The following FAT4 variants were observed in gnomAD, a reference collection of about 807,000 sequenced individuals.
FAT4 encodes the protein protocadherin Fat 4.
Under a neutral mutation model 303.9 loss-of-function variants are expected in FAT4, and 84 were observed. The ratio of observed to expected loss-of-function variants is 0.28; its 90% CI spans 0.23 to 0.33. FAT4 has a LOEUF of 0.33. FAT4 is among the 10% of genes least tolerant of loss of function. FAT4 has a pLI of 1.00. For synonymous variants in FAT4, 2,307 were observed against 2,298.8 expected (o/e 1.00, Z -0.10); for missense variants, 6,005 against 6,146.8 (o/e 0.98, Z 0.77).
rs1443689816 is a variant in FAT4, at chr4:125,320,291, C to T, written c.3880C>T (p.Pro1294Ser). The T allele has an allele frequency of 1.2e-5, 20 of 1,613,842 alleles. No individual in the cohort carries two copies. The Middle Eastern group carries it at 5.0e-4, about 40-fold the overall frequency. Residue 1294 changes from proline to serine, a missense_variant, in exon 2 of 18, where the codon CCC (proline) becomes TCC (serine). Pro to Ser is a moderately conservative substitution (Grantham distance 74). Transcript: ENST00000394329. ...VIQAVDSGTI[P>S]LNSTCTLNID... ...TCAAGCAGTGGATTCAGGGACAATCCCCCTCAATTCAACGTGTACTTTAAA... is the reference window on the plus strand; with the variant it reads ...TCAAGCAGTGGATTCAGGGACAATCTCCCTCAATTCAACGTGTACTTTAAA...
chr4:125,442,909 C>T (rs1250465376), intron 8 of FAT4, among the ~76,000 whole-genome samples: 1 of 150,300 alleles, frequency 6.7e-6, no homozygotes, highest in Non-Finnish European at 1.5e-5. Flanking sequence ...ATGCCAAGTG[C>T]TCTTTATACA....
At chr4:125,478,323 G>A (rs1317084271) in intron 14 of FAT4, among the ~76,000 whole-genome samples, 2 of 152,160 alleles carry the variant, frequency 1.3e-5, no homozygotes, top group African/African-American at 4.8e-5. Flanking sequence ...AAAGGATTGG[G>A]ATTGCCACCA....
In FAT4 at chr4:125,415,234, A is replaced by G. The variant is rs1009472588; in HGVS notation, c.6271A>G (p.Asn2091Asp). Residue 2091 changes from asparagine (N) to aspartate (D), a missense_variant, in exon 6 of 18, where the codon AAC (asparagine) becomes GAC (aspartate). Physicochemically the swap from Asn to Asp is conservative, Grantham distance 23. Transcript: ENST00000394329. ...CAGCTATATTGAGTACACTCTGCTG[A>G]ACCCTTTGGGAAACAAGTTCAGTAT... Reference protein sequence around the residue: ...PNSYIEYTLLNPLGNKFSIGT... With the variant: ...PNSYIEYTLLDPLGNKFSIGT... The G allele has an allele frequency of 6.2e-7, 1 of 1,614,118 alleles. No homozygotes were observed. Among genetic ancestry groups the G allele is most frequent in the Non-Finnish European group, 8.5e-7 (1 of 1,179,988 alleles).
At chr4:125,352,344 A>G (rs1732258142) in intron 2 of FAT4, among the ~76,000 whole-genome samples, 1 of 151,558 alleles carries the variant, frequency 6.6e-6, no homozygotes, top group South Asian at 2.1e-4. Flanking sequence ...CCTCTTCACC[A>G]TTTCAATCAG....
chr4:125,476,291 C>T, intron 13 of FAT4, 35 bp downstream of exon 13: 1 of 1,273,332 alleles, frequency 7.9e-7, no homozygotes. Context: ...TTTATTATTA[C>T]TTAAAATTTT....
chr4:125,390,782 C>G (rs1733948091), intron 2 of FAT4, among the ~76,000 whole-genome samples: 1 of 152,076 alleles, frequency 6.6e-6, no homozygotes, highest in African/African-American at 2.4e-5. Flanking sequence ...ATGTGTAGGA[C>G]CTTTTATTCC....
At chr4:125,323,827 C>A (rs577293894) in intron 2 of FAT4, among the ~76,000 whole-genome samples, 2 of 152,266 alleles carry the variant, frequency 1.3e-5, no homozygotes, top group African/African-American at 2.4e-5. Context: ...CTTTGTCCAG[C>A]GCATTTTAAA....
rs1734644916 is a variant in FAT4, at chr4:125,407,060, A to G, written c.5488A>G (p.Thr1830Ala). ...GTCCTCGGATATGAGAATTAATATC[A>G]CTGTCAGTGATGTGAATGACCATAC... ...LQSSDMRINITVSDVNDHTPK... is the reference protein window; with the variant it reads ...LQSSDMRINIAVSDVNDHTPK... The change falls in exon 4 of 18, where the codon ACT (threonine) becomes GCT (alanine). Residue 1830 changes from threonine to alanine, a missense_variant. Physicochemically the swap from Thr to Ala is moderately conservative, Grantham distance 58. Transcript: ENST00000394329. 6.2e-7 allele frequency: 1 copy of G among 1,613,362 alleles called. No individual in the cohort carries two copies.
chr4:125,378,617 GATA>G (rs1256969866), intron 2 of FAT4, among the ~76,000 whole-genome samples: 1 of 152,014 alleles, frequency 6.6e-6, no homozygotes, highest in Non-Finnish European at 1.5e-5. Context: ...CTCTTAGTAA[GATA>G]ATATTTGTTT....
At chr4:125,387,639 G>A (rs950767497) in intron 2 of FAT4, among the ~76,000 whole-genome samples, 19 of 152,086 alleles carry the variant, frequency 1.2e-4, no homozygotes, top group African/African-American at 4.6e-4. Context: ...ATTTTGAGTT[G>A]CCCCTGACAG....
intron 2 of FAT4, among the ~76,000 whole-genome samples, chr4:125,356,549 G>GTTTTTTTT (rs57855830): frequency 1.2e-4 from 16 of 131,426 alleles, no homozygotes; most frequent in Non-Finnish European, 2.0e-4. Flanking sequence ...TTTGTTTTTT[G>GTTTTTTTT]TTTTTTTTTT....
intron 2 of FAT4, among the ~76,000 whole-genome samples, chr4:125,325,290 A>T (rs1731109981): frequency 6.6e-6 from 1 of 152,098 alleles, no homozygotes; most frequent in Non-Finnish European, 1.5e-5. Flanking sequence ...ATCATTTCAA[A>T]ATTATTGGTG....
In FAT4 at chr4:125,491,617, A is replaced by T; in HGVS notation, c.14801A>T (p.Asn4934Ile). ...GQQAGTFNWDNLLNWGPGFGH... is the reference protein window; with the variant it reads ...GQQAGTFNWDILLNWGPGFGH... ...CAAGCAGGGACTTTCAACTGGGACA[A>T]CCTTTTGAACTGGGGCCCTGGCTTT... Residue 4934 changes from asparagine to isoleucine, a missense_variant, in exon 18 of 18, where the codon AAC becomes ATC. Asn to Ile is a moderately radical substitution (Grantham distance 149, BLOSUM62 -3). Transcript: ENST00000394329. 1 of 1,614,176 alleles carries T rather than the reference A, an allele frequency of 6.2e-7. No homozygotes were observed. Among genetic ancestry groups the T allele is most frequent in the Non-Finnish European group, 8.5e-7 (1 of 1,180,034 alleles).
rs750321376 is a variant in FAT4 at position 125,317,632 on chromosome 4, T to C, written c.1221T>C (p.Phe407=). The change falls in exon 2 of 18, where the codon TTT becomes TTC. Residue 407 remains phenylalanine (F), a synonymous_variant. Transcript: ENST00000394329. This position sits in a 1 kb window ranked among gnomAD's most constrained non-coding sequence, Gnocchi z 7.0. ...TCGGGGGCAATGAGCAGCGCCACTT[T>C]GAAGTGCAAAGCAGCAAAGTGCCGA... ...QILGGNEQRH[F]EVQSSKVPNL... is the part of the protein sequence containing the mutation. 24 of 1,614,008 alleles carry C rather than the reference T, an allele frequency of 1.5e-5. No homozygotes were observed. The highest frequency in any genetic ancestry group is 1.3e-4 in the South Asian group (12 of 91,046).
In FAT4 at chr4:125,348,362, C is replaced by A. The variant is rs1226345221; in HGVS notation, c.5175+26776C>A. Among the ~76,000 whole-genome samples, 7 of 151,776 alleles carry A rather than the reference C, an allele frequency of 4.6e-5. No individual in the cohort carries two copies. The East Asian group carries it at 1.4e-3, about 30-fold the overall frequency. ...GTGCCCACATCTGCAATATGAAGAACAATGAAGTTTTTTATGTAGGGTGTA... is the reference window on the plus strand; with the variant it reads ...GTGCCCACATCTGCAATATGAAGAAAAATGAAGTTTTTTATGTAGGGTGTA... On this transcript the variant is annotated intron_variant, in intron 2 of 17. Transcript: ENST00000394329.
At chr4:125,356,339 C>T (rs1732422250) in intron 2 of FAT4, among the ~76,000 whole-genome samples, 1 of 151,808 alleles carries the variant, frequency 6.6e-6, no homozygotes, top group Admixed American at 6.6e-5. Flanking sequence ...TAGAGAAATG[C>T]TCTTTATGGA....
rs776292701 is a variant in FAT4 at position 125,491,210 on chromosome 4, C to T, written c.14394C>T (p.Asn4798=). The T allele has an allele frequency of 7.4e-6, 12 of 1,614,104 alleles. No individual in the cohort carries two copies. In the East Asian group the frequency reaches 1.3e-4, roughly 18 times the overall value. Reference sequence around the variant, plus strand: ...CTATTGAAGAAGTGGAGAGGCTCAACACACCTCGCCCTAGAAACCCAAGTA... The same window carrying T: ...CTATTGAAGAAGTGGAGAGGCTCAATACACCTCGCCCTAGAAACCCAAGTA... ...GLSIEEVERL[N]TPRPRNPSIC... The change falls in exon 18 of 18, where the codon AAC becomes AAT. Residue 4798 remains asparagine, a synonymous_variant. Coordinates refer to ENST00000394329, the MANE Select transcript of FAT4 (RefSeq NM_001291303.3).
intron 2 of FAT4, among the ~76,000 whole-genome samples, chr4:125,325,587 T>A (rs1008891603): frequency 5.3e-5 from 8 of 152,222 alleles, no homozygotes; most frequent in African/African-American, 1.9e-4. Context: ...CACATATGCA[T>A]TTCTTTGAGA....
rs145285004 is a variant in FAT4 at position 125,451,071 on chromosome 4, C to G, written c.10061C>G (p.Thr3354Ser). 1.2e-6 allele frequency: 2 copies of G among 1,613,890 alleles called. No individual in the cohort carries two copies. Among genetic ancestry groups the G allele is most frequent in the African/African-American group, 2.7e-5 (2 of 74,878 alleles). ...RKKGFQINKK[T>S]GQIYVSGILD... Reference sequence around the variant, plus strand: ...AAGGGTTTCCAGATCAATAAGAAGACTGGACAGATTTATGTTTCTGGAATT... The same window carrying G: ...AAGGGTTTCCAGATCAATAAGAAGAGTGGACAGATTTATGTTTCTGGAATT... The change falls in exon 10 of 18, where the codon ACT becomes AGT. Residue 3354 changes from threonine to serine, a missense_variant. Coordinates refer to ENST00000394329, the MANE Select transcript of FAT4 (RefSeq NM_001291303.3).
Sources: gnomAD v4.1 joint callset for allele counts (sites outside exome capture counted in the v4.1 genomes callset) on GRCh38, gnomAD v4.1.1 for gene constraint, Gnocchi (gnomAD v3.1) non-coding constraint, MANE v1.5 for transcripts, NCBI Gene and HGNC (gene_info 2026-07-23, HGNC 2026-07-21) for gene names.